RIC1: variants seen among roughly 807,000 people sequenced by gnomAD.
RIC1 encodes the protein RIC1 partner of RAB6A GEF complex, also known as guanine nucleotide exchange factor subunit RIC1.
RIC1 carries 88 observed loss-of-function variants against 169.0 expected under a neutral mutation model. The observed-to-expected ratio is 0.52, with a 90% confidence interval of 0.44 to 0.62. The LOEUF (loss-of-function observed/expected upper bound fraction) is 0.62, where lower values mean the gene tolerates loss of function less well. Ranked by LOEUF, RIC1 falls within the 20% of genes least tolerant of loss-of-function variation. The pLI, the probability that RIC1 is intolerant of heterozygous loss-of-function variation, is 0.00. For synonymous variants in RIC1, 790 were observed against 601.5 expected (o/e 1.31, Z -4.59); for missense variants, 1,877 against 1,725.5 (o/e 1.09, Z -1.56).
chr9:5,745,419 C>T (rs1400335672), intron 10 of RIC1, among the ~76,000 whole-genome samples: 1 of 152,006 alleles, frequency 6.6e-6, no homozygotes, highest in Non-Finnish European at 1.5e-5. Context: ...AACTTATATC[C>T]CGAGAAACGA....
chr9:5,744,342 A>G (rs1160522391), intron 10 of RIC1, among the ~76,000 whole-genome samples: 3 of 152,072 alleles, frequency 2.0e-5, no homozygotes, highest in Non-Finnish European at 4.4e-5. Flanking sequence ...CTGTATCTAT[A>G]TATCTATATA....
intron 5 of RIC1, 52 bp downstream of exon 5, chr9:5,720,376 T>C (rs756336478): frequency 6.5e-7 from 1 of 1,528,732 alleles, no homozygotes; most frequent in East Asian, 2.3e-5. Context: ...GTTTGATGTC[T>C]AGTTAGGTAT....
At chr9:5,635,528 G>T (rs560193194) in intron 1 of RIC1, among the ~76,000 whole-genome samples, 1 of 152,114 alleles carries the variant, frequency 6.6e-6, no homozygotes, top group Non-Finnish European at 1.5e-5. Flanking sequence ...CCATTCTGTT[G>T]CATTGGTCTA....
At chr9:5,629,569 G>A (rs1817616702) in intron 1 of RIC1, 116 bp downstream of exon 1, 2 of 1,136,576 alleles carry the variant, frequency 1.8e-6, no homozygotes, top group Non-Finnish European at 2.3e-6. Flanking sequence ...AGACCCACCT[G>A]CCTTCGCAGT....
intron 15 of RIC1, among the ~76,000 whole-genome samples, chr9:5,755,630 C>G (rs1389978964): frequency 6.6e-6 from 1 of 152,076 alleles, no homozygotes; most frequent in Non-Finnish European, 1.5e-5. Context: ...AGGTCTAAAT[C>G]TGCAGGTCTA....
intron 7 of RIC1, among the ~76,000 whole-genome samples, chr9:5,737,840 G>C (rs937500683): frequency 2.0e-5 from 3 of 151,434 alleles, no homozygotes; most frequent in Non-Finnish European, 4.4e-5. Context: ...TAAGAGAAAA[G>C]ATTATTAAGA....
chr9:5,658,489 GGT>G (rs1290046386), intron 2 of RIC1, among the ~76,000 whole-genome samples: 1 of 152,022 alleles, frequency 6.6e-6, no homozygotes, highest in Non-Finnish European at 1.5e-5. Context: ...AAATTTCAGT[GGT>G]CCATGTGAAG....
chr9:5,753,085 T>C, intron 12 of RIC1, 115 bp from the exon 13 acceptor site: 1 of 844,966 alleles, frequency 1.2e-6, no homozygotes, highest in Non-Finnish European at 2.0e-6. Context: ...TGCTACTAAC[T>C]AGGGGGCACC....
intron 3 of RIC1, among the ~76,000 whole-genome samples, chr9:5,712,210 T>G (rs1291897171): frequency 2.0e-5 from 3 of 152,196 alleles, no homozygotes; most frequent in Non-Finnish European, 4.4e-5. Flanking sequence ...AAAGTGTTCC[T>G]ATTTCTTCAC....
chr9:5,747,238 TA>T, intron 11 of RIC1, 63 bp from the exon 12 acceptor site: 1 of 1,260,540 alleles, frequency 7.9e-7, no homozygotes, highest in East Asian at 2.3e-5. Context: ...TTTGCCTGCG[TA>T]ATATTGAGTT....
chr9:5,766,554 G>A (rs920716144), intron 21 of RIC1, among the ~76,000 whole-genome samples: 7 of 151,912 alleles, frequency 4.6e-5, no homozygotes, highest in South Asian at 4.2e-4. Context: ...ATGCCTTTGC[G>A]TCCTCATGGT....
chr9:5,675,846 T>C (rs997988194), intron 2 of RIC1, among the ~76,000 whole-genome samples: 1 of 152,180 alleles, frequency 6.6e-6, no homozygotes, highest in Non-Finnish European at 1.5e-5. Context: ...AATATAAAAA[T>C]TATGCTATTC....
In RIC1 at chr9:5,763,384, C is replaced by G. The variant is rs1826467010; in HGVS notation, c.2357C>G (p.Ala786Gly). ...IYPLAVLFED[A>G]LVLGAVNDTL... ...CCGCTAGCTGTTCTGTTTGAAGATG[C>G]TTTAGTCCTTGGTGCTGTCAATGAC... Residue 786 changes from alanine to glycine, a missense_variant, in exon 19 of 26, where the codon GCT (alanine) becomes GGT (glycine). By Grantham distance (60) the Ala-to-Gly change is moderately conservative. Coordinates refer to ENST00000414202, the MANE Select transcript of RIC1 (RefSeq NM_020829.4). The surrounding 1 kb of genome is among the most constrained non-coding windows in gnomAD (Gnocchi z 5.2). 7 of 1,614,158 alleles carry G rather than the reference C, an allele frequency of 4.3e-6. No homozygotes were observed. In the East Asian group the frequency reaches 1.6e-4, roughly 36 times the overall value.
At chr9:5,729,129 A>C (rs1010054701) in intron 6 of RIC1, among the ~76,000 whole-genome samples, 10 of 152,180 alleles carry the variant, frequency 6.6e-5, no homozygotes, top group Non-Finnish European at 1.2e-4. Context: ...TTTGAGTTAC[A>C]GAAGAGTTAA....
intron 2 of RIC1, among the ~76,000 whole-genome samples, chr9:5,686,724 A>G (rs530542949): frequency 6.6e-6 from 1 of 152,158 alleles, no homozygotes; most frequent in South Asian, 2.1e-4. Context: ...ACATGTATAC[A>G]TATGTAACTA....
chr9:5,690,588 A>G (rs953134166), intron 3 of RIC1, among the ~76,000 whole-genome samples: 5 of 150,958 alleles, frequency 3.3e-5, no homozygotes, highest in Non-Finnish European at 7.4e-5. Context: ...TAATCAAGCC[A>G]TAAAGCCAGA....
Position 5,743,695 on chromosome 9 carries a change from G to A in RIC1, c.1053G>A (p.Arg351=). Residue 351 remains arginine (R), a synonymous_variant, in exon 10 of 26, where the codon AGG becomes AGA. Transcript: ENST00000414202. ...ICTLGGDFAY[R]SDGTKKDPLK... ...AGTTTCTGTTCTGTTTCAGTTATAG[G>A]TCTGATGGCACCAAAAAAGATCCCC... is the stretch of plus-strand genomic sequence containing the variant. The A allele has an allele frequency of 6.2e-7, 1 of 1,607,554 alleles. No individual in the cohort carries two copies. The highest frequency in any genetic ancestry group is 8.5e-7 in the Non-Finnish European group (1 of 1,174,844).
intron 2 of RIC1, among the ~76,000 whole-genome samples, chr9:5,685,669 A>T (rs1215406841): frequency 1.1e-4 from 17 of 151,516 alleles, no homozygotes; most frequent in Admixed American, 6.6e-5. Flanking sequence ...AAACCATAAA[A>T]ACCCTAGAAG....
At chr9:5,693,071 A>G (rs560354499) in intron 3 of RIC1, among the ~76,000 whole-genome samples, 15 of 152,160 alleles carry the variant, frequency 9.9e-5, no homozygotes, top group African/African-American at 3.1e-4. Flanking sequence ...TCCAGCTACT[A>G]CTTTGGGGTT....
Sources: gnomAD v4.1 joint callset for allele counts (sites outside exome capture counted in the v4.1 genomes callset) on GRCh38, gnomAD v4.1.1 for gene constraint, Gnocchi (gnomAD v3.1) non-coding constraint, MANE v1.5 for transcripts, NCBI Gene and HGNC (gene_info 2026-07-23, HGNC 2026-07-21) for gene names.